The following BCKDHB variants were observed in gnomAD, a reference collection of about 807,000 sequenced individuals.
The protein encoded by BCKDHB is branched chain keto acid dehydrogenase E1 subunit beta.
A neutral mutation model predicts 48.5 loss-of-function variants in BCKDHB; 41 were observed. The observed-to-expected ratio is 0.85, with a 90% CI of 0.66 to 1.10. BCKDHB has a LOEUF of 1.10. BCKDHB is among the 50% of genes least tolerant of loss of function. The pLI, the probability that BCKDHB is intolerant of heterozygous loss-of-function variation, is 0.00. For synonymous variants in BCKDHB, 201 were observed against 174.8 expected, an observed-to-expected ratio of 1.15 and a Z score of -1.18; for missense variants, 496 against 494.2, an observed-to-expected ratio of 1.00 and a Z score of -0.03.
At chr6:80,257,321 A>G (rs1007526625) in intron 8 of BCKDHB, among the ~76,000 whole-genome samples, 1 of 143,690 alleles carries the variant, frequency 7.0e-6, no homozygotes, top group Non-Finnish European at 1.6e-5. Context: ...CACACATGCT[A>G]TGTGTGTATA....
the BCKDHB span, among the ~76,000 whole-genome samples, chr6:80,402,283 CTTT>C: frequency 6.6e-6 from 1 of 151,646 alleles, no homozygotes; most frequent in Non-Finnish European, 1.5e-5. Context: ...TACTTTTTAT[CTTT>C]TGTCTTTTTA....
the BCKDHB span, among the ~76,000 whole-genome samples, chr6:80,354,693 G>C: frequency 4.6e-5 from 7 of 152,022 alleles, no homozygotes; most frequent in Non-Finnish European, 8.8e-5. Flanking sequence ...TTTGTATACA[G>C]TGATAGGAGT....
At chr6:80,165,567 T>C (rs1772529426) in intron 3 of BCKDHB, among the ~76,000 whole-genome samples, 1 of 152,194 alleles carries the variant, frequency 6.6e-6, no homozygotes, top group Non-Finnish European at 1.5e-5. Flanking sequence ...CCAAAACATT[T>C]GGTTACATGG....
chr6:80,435,400 A>T, the BCKDHB span, among the ~76,000 whole-genome samples: 2 of 152,214 alleles, frequency 1.3e-5, 1 homozygote, highest in Admixed American at 1.3e-4. Flanking sequence ...CTATCTATAT[A>T]TGTACTAATT....
the BCKDHB span, among the ~76,000 whole-genome samples, chr6:80,400,282 A>G: frequency 2.3e-3 from 355 of 151,816 alleles, 2 homozygotes; most frequent in Middle Eastern, 3.4e-3. Context: ...GCGTAAACAG[A>G]CAACCTATAG....
intron 6 of BCKDHB, among the ~76,000 whole-genome samples, chr6:80,187,259 G>A (rs1773684410): frequency 6.6e-6 from 1 of 151,996 alleles, no homozygotes. Context: ...CATGTATTTG[G>A]AATCATGCCT....
the BCKDHB span, among the ~76,000 whole-genome samples, chr6:80,393,131 C>T: frequency 1.3e-5 from 2 of 152,006 alleles, no homozygotes; most frequent in Non-Finnish European, 2.9e-5. Context: ...TGTAGTCTTT[C>T]AGAAACAGAA....
intron 1 of BCKDHB, among the ~76,000 whole-genome samples, chr6:80,126,688 G>A (rs1265262580): frequency 6.6e-6 from 1 of 152,148 alleles, no homozygotes; most frequent in African/African-American, 2.4e-5. Flanking sequence ...TTGCAGAGGA[G>A]TTGACTTAAA....
At chr6:80,453,837 G>A in the BCKDHB span, among the ~76,000 whole-genome samples, 1 of 151,974 alleles carries the variant, frequency 6.6e-6, no homozygotes, top group Non-Finnish European at 1.5e-5. Flanking sequence ...TAGAGAGTTA[G>A]GTATTCGGCA....
At chr6:80,132,419 G>C (rs573451112) in intron 3 of BCKDHB, among the ~76,000 whole-genome samples, 4 of 152,294 alleles carry the variant, frequency 2.6e-5, no homozygotes, top group African/African-American at 7.2e-5. Context: ...GCGTGCTGTT[G>C]AGTGAATTTA....
chr6:80,186,643 C>A lies in BCKDHB; in HGVS notation c.743-14291C>A, dbSNP rs147020113. 1.7e-3 allele frequency among the ~76,000 whole-genome samples: 264 copies of A among 152,292 alleles called. 1 individual carries two copies. Among genetic ancestry groups the A allele is most frequent in the African/African-American group, 6.0e-3 (250 of 41,574 alleles). ...TCAGGAAAATTTGTACTCAGTTGAA[C>A]GTATTATGAAGTTCAGCTAGAAGCT... is the stretch of plus-strand genomic sequence containing the variant. On this transcript the variant is annotated intron_variant, in intron 6 of 9. Coordinates refer to ENST00000320393, the MANE Select transcript of BCKDHB (RefSeq NM_183050.4).
intron 8 of BCKDHB, among the ~76,000 whole-genome samples, chr6:80,216,401 G>A (rs1402205366): frequency 6.6e-6 from 1 of 152,144 alleles, no homozygotes; most frequent in Non-Finnish European, 1.5e-5. Flanking sequence ...GGGCAAATGT[G>A]ACCTGTATAC....
At chr6:80,241,932 C>T (rs2127914919) in intron 8 of BCKDHB, among the ~76,000 whole-genome samples, 1 of 152,120 alleles carries the variant, frequency 6.6e-6, no homozygotes, top group South Asian at 2.1e-4. Context: ...TTGTGGATTT[C>T]TTTTTATTAT....
At chr6:80,236,838 T>G (rs1776167663) in intron 8 of BCKDHB, among the ~76,000 whole-genome samples, 2 of 152,234 alleles carry the variant, frequency 1.3e-5, no homozygotes, top group African/African-American at 4.8e-5. Context: ...GTGAATGTTA[T>G]TATCACTTCT....
Position 80,309,710 on chromosome 6 carries a change from G to A in BCKDHB, c.1039-33954G>A, listed in dbSNP as rs531936968. On this transcript the variant is annotated intron_variant, in intron 9 of 9. Coordinates refer to ENST00000320393, the MANE Select transcript of BCKDHB (RefSeq NM_183050.4). ...GGCTTTATTCTTTACCATTTTACTT[G>A]TTAAAACTTTTATTTTAGTATCGGG... Among the ~76,000 whole-genome samples, 5 of 151,954 alleles carry A rather than the reference G, an allele frequency of 3.3e-5. No individual in the cohort carries two copies. The East Asian group carries it at 9.7e-4, about 29-fold the overall frequency.
At chr6:80,405,589 A>T in the BCKDHB span, among the ~76,000 whole-genome samples, 2 of 151,878 alleles carry the variant, frequency 1.3e-5, no homozygotes, top group African/African-American at 4.8e-5. Context: ...GCTATTTTGT[A>T]GTTCCTTTGT....
At chr6:80,200,407 C>T (rs1476370684) in intron 6 of BCKDHB, among the ~76,000 whole-genome samples, 1 of 152,128 alleles carries the variant, frequency 6.6e-6, no homozygotes, top group African/African-American at 2.4e-5. Flanking sequence ...TTTGGCCCTA[C>T]TATTTTTTCC....
chr6:80,230,221 G>A (rs1011704159), intron 8 of BCKDHB, among the ~76,000 whole-genome samples: 1 of 150,698 alleles, frequency 6.6e-6, no homozygotes, highest in Admixed American at 6.6e-5. Context: ...TGTATTTTTA[G>A]TAGAGACGGG....
intron 8 of BCKDHB, among the ~76,000 whole-genome samples, chr6:80,209,206 T>A (rs944438723): frequency 1.3e-5 from 2 of 151,954 alleles, no homozygotes; most frequent in African/African-American, 4.8e-5. Flanking sequence ...CAGCAAAAAT[T>A]ATAATTCCTA....
Sources: gnomAD v4.1 joint callset for allele counts (sites outside exome capture counted in the v4.1 genomes callset) on GRCh38, gnomAD v4.1.1 for gene constraint, MANE v1.5 for transcripts, NCBI Gene and HGNC (gene_info 2026-07-23, HGNC 2026-07-21) for gene names.